RTTN: variants seen among roughly 807,000 people sequenced by gnomAD.
RTTN encodes rotatin.
A neutral mutation model predicts 269.2 loss-of-function variants in RTTN; 182 were observed. The observed-to-expected ratio is 0.68, with a 90% confidence interval of 0.60 to 0.76. RTTN has a LOEUF of 0.76. Among genes scored for constraint, RTTN ranks in the 30% least tolerant of loss-of-function variants. The pLI, the probability that RTTN is intolerant of heterozygous loss-of-function variation, is 0.00. For missense variants in RTTN, 2,545 were observed against 2,608.6 expected (o/e 0.98, Z 0.53); for synonymous variants, 1,006 against 963.5 (o/e 1.04, Z -0.82).
At chr18:70,095,063 GT>G (rs138632105) in intron 28 of RTTN, among the ~76,000 whole-genome samples, 6 of 144,554 alleles carry the variant, frequency 4.2e-5, no homozygotes, top group African/African-American at 1.3e-4. Context: ...GTAATGCCTT[GT>G]TTTTTTTTTT....
At chr18:70,151,409 A>G (rs2060534844) in intron 14 of RTTN, among the ~76,000 whole-genome samples, 1 of 151,674 alleles carries the variant, frequency 6.6e-6, no homozygotes, top group Non-Finnish European at 1.5e-5. Flanking sequence ...GTGAGAGGGG[A>G]AAAAAAGCTA....
chr18:70,137,208 T>G (rs2060145143), intron 21 of RTTN, among the ~76,000 whole-genome samples: 1 of 152,082 alleles, frequency 6.6e-6, no homozygotes, highest in Non-Finnish European at 1.5e-5. Flanking sequence ...CAAACAAAGG[T>G]AAGGAAGTTT....
intron 14 of RTTN, among the ~76,000 whole-genome samples, chr18:70,164,369 G>A (rs2060931000): frequency 6.6e-6 from 1 of 151,116 alleles, no homozygotes; most frequent in Non-Finnish European, 1.5e-5. Context: ...ATGCCACCAT[G>A]CCCAGCTATT....
chr18:70,121,027 G>A (rs2059722993), intron 26 of RTTN, among the ~76,000 whole-genome samples: 1 of 151,808 alleles, frequency 6.6e-6, no homozygotes, highest in African/African-American at 2.4e-5. Context: ...TTCCAGCCTG[G>A]GTGACAGGGC....
intron 28 of RTTN, among the ~76,000 whole-genome samples, chr18:70,106,183 C>CA (rs570626609): frequency 2.1e-4 from 32 of 152,090 alleles, no homozygotes; most frequent in African/African-American, 7.5e-4. Flanking sequence ...CCCATCTCTA[C>CA]AAAAAAATTA....
rs372559575 is a variant in RTTN at position 70,092,683 on chromosome 18, C to T, written c.4025G>A (p.Gly1342Glu). The T allele has an allele frequency of 2.5e-6, 4 of 1,612,268 alleles. No individual in the cohort carries two copies. Among genetic ancestry groups the T allele is most frequent in the Non-Finnish European group, 3.4e-6 (4 of 1,178,854 alleles). ...CAGCTTTAACGCGCTCACCAAGCTC[C>T]CAGCCTGGGCCATCATCTCATGGGA... is the stretch of plus-strand genomic sequence containing the variant. ...HLSHEMMAQAGSLEWMSLWFL... is the reference protein window; with the variant it reads ...HLSHEMMAQAESLEWMSLWFL... Residue 1342 changes from glycine to glutamate, a missense_variant, in exon 29 of 49, where the codon GGG becomes GAG. Gly to Glu is a moderately conservative substitution (Grantham distance 98). Coordinates refer to ENST00000640769, the MANE Select transcript of RTTN (RefSeq NM_173630.4).
At chr18:70,128,331 G>A in intron 24 of RTTN, 27 bp downstream of exon 24, 1 of 1,556,034 alleles carries the variant, frequency 6.4e-7, no homozygotes. Flanking sequence ...AATTGCAAAT[G>A]CTTTTTAAAC....
At chr18:70,096,943 T>A (rs2059020236) in intron 28 of RTTN, among the ~76,000 whole-genome samples, 1 of 152,204 alleles carries the variant, frequency 6.6e-6, no homozygotes, top group African/African-American at 2.4e-5. Flanking sequence ...AAGTGACTAC[T>A]TGAAAAATAA....
At chr18:70,064,388 T>TAAAATC (rs1157949829) in intron 35 of RTTN, among the ~76,000 whole-genome samples, 1 of 144,820 alleles carries the variant, frequency 6.9e-6, no homozygotes, top group Non-Finnish European at 1.5e-5. Context: ...AAAATAAATT[T>TAAAATC]AAAATCAAAG....
At chr18:70,120,393 A>G (rs187318398) in intron 26 of RTTN, among the ~76,000 whole-genome samples, 23 of 152,314 alleles carry the variant, frequency 1.5e-4, no homozygotes, top group African/African-American at 4.3e-4. Context: ...AAACCTCTAA[A>G]TAAGTTTTAT....
At chr18:70,103,863 A>G (rs533122709) in intron 28 of RTTN, among the ~76,000 whole-genome samples, 83 of 150,880 alleles carry the variant, frequency 5.5e-4, no homozygotes, top group African/African-American at 2.0e-3. Flanking sequence ...ATCCGCTGTT[A>G]GTCTGACGGG....
intron 23 of RTTN, 195 bp from the exon 24 acceptor site, chr18:70,128,741 C>T: frequency 3.9e-6 from 2 of 517,406 alleles, no homozygotes; most frequent in East Asian, 6.3e-5. Flanking sequence ...TCTAAACTCC[C>T]CAGAACACTT....
intron 11 of RTTN, among the ~76,000 whole-genome samples, chr18:70,171,847 A>C (rs1314218221): frequency 6.6e-6 from 1 of 152,244 alleles, no homozygotes; most frequent in Non-Finnish European, 1.5e-5. Flanking sequence ...CAGAATATGC[A>C]AGATGTGATT....
At position 70,127,620 on chromosome 18, in the gene RTTN, T is replaced by G. The variant is rs1335141124; in HGVS notation, c.3265A>C (p.Arg1089=). The G allele has an allele frequency of 6.2e-7, 1 of 1,613,558 alleles. No homozygotes were observed. Among genetic ancestry groups the G allele is most frequent in the East Asian group, 2.2e-5 (1 of 44,870 alleles). ...AAACTCATCCTGGTGACAGCAGCCC[T>G]AACTTCCCTGTGGGTTGCAGCCTGA... ...IVQAATHREV[R]AAVTRMSFYL... Residue 1089 remains arginine, a synonymous_variant, in exon 25 of 49, where the codon AGG becomes CGG. Coordinates refer to ENST00000640769, the MANE Select transcript of RTTN (RefSeq NM_173630.4).
intron 8 of RTTN, 34 bp from the exon 9 acceptor site, chr18:70,190,753 A>G: frequency 6.7e-7 from 1 of 1,499,094 alleles, no homozygotes; most frequent in Non-Finnish European, 9.2e-7. Flanking sequence ...CCTTGCATAC[A>G]GAAACAATCC....
chr18:70,112,689 G>C (rs761549085), intron 27 of RTTN, among the ~76,000 whole-genome samples: 6 of 152,074 alleles, frequency 3.9e-5, no homozygotes, highest in Non-Finnish European at 7.4e-5. Flanking sequence ...GACCTACAAA[G>C]AGACTTAGAC....
chr18:70,099,410 G>C (rs543836036), intron 28 of RTTN, among the ~76,000 whole-genome samples: 2 of 152,164 alleles, frequency 1.3e-5, no homozygotes, highest in African/African-American at 4.8e-5. Flanking sequence ...CATATCCTTC[G>C]CCCACTTTTT....
chr18:70,010,467 C>A (rs2056336368), intron 46 of RTTN, among the ~76,000 whole-genome samples: 1 of 152,196 alleles, frequency 6.6e-6, no homozygotes, highest in Non-Finnish European at 1.5e-5. Flanking sequence ...GGAAACTGAA[C>A]AACTTGCTCC....
chr18:70,205,402 C>A, intron 1 of RTTN, 87 bp from the exon 2 acceptor site: 1 of 1,530,276 alleles, frequency 6.5e-7, no homozygotes, highest in African/African-American at 1.4e-5. Flanking sequence ...GGCGTGAAGA[C>A]GGAATAAACC....
Sources: allele counts gnomAD v4.1 joint callset (sites outside exome capture counted in the v4.1 genomes callset), GRCh38; gene constraint gnomAD v4.1.1; transcripts MANE v1.5; gene names NCBI Gene and HGNC (gene_info 2026-07-23, HGNC 2026-07-21).